Variants in GPR89A observed in about 807,000 individuals in gnomAD.
GPR89A encodes golgi pH regulator A.
GPR89A carries 16 observed loss-of-function variants against 52.0 expected under a neutral mutation model. The observed-to-expected ratio is 0.31, with a 90% CI of 0.21 to 0.47. The LOEUF (loss-of-function observed/expected upper bound fraction) is 0.47. Ranked by LOEUF, GPR89A falls within the 20% of genes least tolerant of loss-of-function variation. The pLI, the probability that GPR89A is intolerant of heterozygous loss-of-function variation, is 1.00. For synonymous variants in GPR89A, 55 were observed against 150.9 expected, an observed-to-expected ratio of 0.36 and a Z score of 4.66; for missense variants, 135 against 449.4, an observed-to-expected ratio of 0.30 and a Z score of 6.33.
At chr1:145,659,330 G>A (rs71263085) in intron 10 of GPR89A, among the ~76,000 whole-genome samples, 49 of 151,794 alleles carry the variant, frequency 3.2e-4, no homozygotes, top group Non-Finnish European at 4.9e-4. Context: ...GGTTACAGGC[G>A]CATGCAACCA....
At chr1:145,650,645 CTGT>C (rs1553693389) in intron 10 of GPR89A, among the ~76,000 whole-genome samples, 4 of 151,288 alleles carry the variant, frequency 2.6e-5, no homozygotes, top group African/African-American at 9.9e-5. Flanking sequence ...TCGCCAGCAT[CTGT>C]TGTTTCTTGA....
chr1:145,618,280 A>T (rs1553687410), intron 2 of GPR89A, 40 bp from the exon 3 acceptor site: 5 of 1,598,880 alleles, frequency 3.1e-6, no homozygotes, highest in Non-Finnish European at 4.3e-6. Flanking sequence ...CAGTTTTTAA[A>T]CAAGGAAATA....
intron 12 of GPR89A, among the ~76,000 whole-genome samples, chr1:145,668,223 T>A (rs1652711577): frequency 6.6e-6 from 1 of 152,224 alleles, no homozygotes; most frequent in African/African-American, 2.4e-5. Flanking sequence ...TTCTTCCATG[T>A]GTTTGTTTCC....
At chr1:145,624,641 T>TTA in intron 5 of GPR89A, among the ~76,000 whole-genome samples, 1 of 147,132 alleles carries the variant, frequency 6.8e-6, no homozygotes, top group Non-Finnish European at 1.5e-5. Context: ...TATCAGGCAA[T>TTA]TTATAGACTT....
At chr1:145,666,567 ATTATAC>A (rs1652562907) in intron 12 of GPR89A, among the ~76,000 whole-genome samples, 1 of 151,366 alleles carries the variant, frequency 6.6e-6, no homozygotes, top group African/African-American at 2.4e-5. Context: ...TTTTTTTTAA[ATTATAC>A]TTTAAGTTCT....
chr1:145,654,206 C>T (rs1651653715), intron 10 of GPR89A, among the ~76,000 whole-genome samples: 1 of 152,238 alleles, frequency 6.6e-6, no homozygotes, highest in South Asian at 2.1e-4. Context: ...TTCTCCTTCA[C>T]TTATGAAGCT....
chr1:145,655,601 C>T (rs193205853), intron 10 of GPR89A, among the ~76,000 whole-genome samples: 2 of 152,164 alleles, frequency 1.3e-5, no homozygotes, highest in African/African-American at 4.8e-5. Context: ...ACCCTACTCG[C>T]CTGGGTCCCT....
chr1:145,659,469 G>A (rs1652041872), intron 10 of GPR89A, among the ~76,000 whole-genome samples: 1 of 151,904 alleles, frequency 6.6e-6, no homozygotes, highest in Admixed American at 6.6e-5. Context: ...ACAGGCATGA[G>A]CCACTGCGAC....
At chr1:145,612,539 AATTG>A (rs1227361977) in intron 1 of GPR89A, among the ~76,000 whole-genome samples, 4 of 152,166 alleles carry the variant, frequency 2.6e-5, no homozygotes, top group African/African-American at 4.8e-5. Context: ...ACTTACTATA[AATTG>A]ATTAACTTCT....
intron 10 of GPR89A, among the ~76,000 whole-genome samples, chr1:145,660,563 A>C (rs1299854683): frequency 6.6e-6 from 1 of 152,176 alleles, no homozygotes; most frequent in Non-Finnish European, 1.5e-5. Context: ...TCATCTGACA[A>C]AGGGCTAATA....
At chr1:145,619,258 G>T (rs1219967034) in intron 3 of GPR89A, among the ~76,000 whole-genome samples, 1 of 130,546 alleles carries the variant, frequency 7.7e-6, no homozygotes, top group Non-Finnish European at 1.7e-5. Flanking sequence ...AAATTAAAAA[G>T]AAAAACTTAC....
chr1:145,657,484 AT>A (rs1419690450), intron 10 of GPR89A, among the ~76,000 whole-genome samples: 2 of 151,394 alleles, frequency 1.3e-5, no homozygotes, highest in Admixed American at 1.3e-4. Flanking sequence ...TGTCAGAGTA[AT>A]GCTTGCTGAC....
At chr1:145,645,687 T>G (rs1650936351) in intron 8 of GPR89A, 1 of 454,002 alleles carries the variant, frequency 2.2e-6, no homozygotes. Context: ...CACCATGGCA[T>G]AAGACAATCC....
At chr1:145,629,201 A>G (rs1649728671) in intron 5 of GPR89A, among the ~76,000 whole-genome samples, 1 of 152,154 alleles carries the variant, frequency 6.6e-6, no homozygotes, top group Non-Finnish European at 1.5e-5. Flanking sequence ...GGGCCCAGAG[A>G]AGATCAGAAG....
intron 9 of GPR89A, 37 bp downstream of exon 9, chr1:145,646,309 A>G: frequency 3.9e-6 from 6 of 1,531,376 alleles, no homozygotes; most frequent in South Asian, 2.3e-5. Context: ...GTTTTTACCA[A>G]TATTATTAAA....
intron 10 of GPR89A, among the ~76,000 whole-genome samples, chr1:145,654,320 G>A (rs1445959175): frequency 3.3e-5 from 5 of 151,978 alleles, no homozygotes; most frequent in Admixed American, 6.6e-5. Context: ...TTGGGAGGCC[G>A]AGGCGGGCAG....
At chr1:145,643,133 G>A (rs1650766336) in intron 7 of GPR89A, among the ~76,000 whole-genome samples, 1 of 149,402 alleles carries the variant, frequency 6.7e-6, no homozygotes, top group Non-Finnish European at 1.5e-5. Context: ...TGGTCCTTTA[G>A]TTAGGTATGT....
At chr1:145,651,192 G>GT (rs2101817288) in intron 10 of GPR89A, among the ~76,000 whole-genome samples, 1 of 150,794 alleles carries the variant, frequency 6.6e-6, no homozygotes, top group East Asian at 2.0e-4. Flanking sequence ...AAGGGTTCCA[G>GT]TTTCAGTTTT....
chr1:145,610,474 A>C (rs1553685929), intron 1 of GPR89A, among the ~76,000 whole-genome samples: 1 of 151,976 alleles, frequency 6.6e-6, no homozygotes, highest in African/African-American at 2.4e-5. Flanking sequence ...ATTTCCACAC[A>C]GTGTGTTTTC....
Sources: allele counts gnomAD v4.1 joint callset (sites outside exome capture counted in the v4.1 genomes callset), GRCh38; gene constraint gnomAD v4.1.1; transcripts MANE v1.5; gene names NCBI Gene and HGNC (gene_info 2026-07-23, HGNC 2026-07-21).